Variants in NLGN4X observed in about 807,000 individuals in gnomAD.
NLGN4X encodes neuroligin-4, X-linked.
A neutral mutation model predicts 40.3 loss-of-function variants in NLGN4X; 3 were observed. The ratio of observed to expected loss-of-function variants is 0.07; its 90% CI spans 0.03 to 0.19. The LOEUF is 0.19. Ranked by LOEUF, NLGN4X falls within the 10% of genes least tolerant of loss-of-function variation. The pLI, the probability that NLGN4X is intolerant of heterozygous loss-of-function variation, is 1.00. For synonymous variants in NLGN4X, 270 were observed against 306.8 expected, an observed-to-expected ratio of 0.88 and a Z score of 1.25; for missense variants, 382 against 708.3, an observed-to-expected ratio of 0.54 and a Z score of 5.23.
At chrX:6,145,295 A>G (rs1342550418) in intron 2 of NLGN4X, among the ~76,000 whole-genome samples, 2 of 111,704 alleles carry the variant, frequency 1.8e-5, no homozygotes, top group Non-Finnish European at 3.8e-5. Context: ...AACTAACAAA[A>G]ACTGCAGAGA....
intron 5 of NLGN4X, among the ~76,000 whole-genome samples, chrX:5,896,808 T>C (rs1055705982): frequency 4.4e-5 from 5 of 112,444 alleles, no homozygotes; most frequent in African/African-American, 1.6e-4. Flanking sequence ...TAGTTTATTA[T>C]GCATTCAGTG....
intron 3 of NLGN4X, among the ~76,000 whole-genome samples, chrX:5,987,628 T>A (rs189223643): frequency 8.9e-6 from 1 of 112,572 alleles, no homozygotes; most frequent in East Asian, 2.8e-4. Context: ...TATTGTTTCA[T>A]ATGGCCCTAT....
At chrX:5,917,642 A>G (rs1164361317) in intron 3 of NLGN4X, among the ~76,000 whole-genome samples, 1 of 112,157 alleles carries the variant, frequency 8.9e-6, no homozygotes, top group African/African-American at 3.2e-5. Flanking sequence ...AAGAAACAGC[A>G]TTGCGCTTGG....
chrX:6,184,612 AT>A (rs1056650186), intron 1 of NLGN4X, among the ~76,000 whole-genome samples: 33 of 111,196 alleles, frequency 3.0e-4, no homozygotes, highest in Middle Eastern at 4.7e-3. Context: ...TAAAAAAAAA[AT>A]TCATAAGACA....
Position 6,026,917 on chromosome X carries a change from TA to T in NLGN4X, c.625+2362del, listed in dbSNP as rs200175059. 4.0e-3 allele frequency among the ~76,000 whole-genome samples: 433 copies of T among 107,788 alleles called. 4 individuals carry two copies. The highest frequency in any genetic ancestry group is 0.014 in the African/African-American group (411 of 29,540). The allele number at this position is 107,788 out of a possible 115,157, so 93.6% of individuals were successfully genotyped here. On this transcript the variant is annotated intron_variant, in intron 3 of 5. Coordinates refer to ENST00000381095, the MANE Select transcript of NLGN4X (RefSeq NM_181332.3). Reference sequence around the variant, plus strand: ...TTGATTCACGAAGGGACAAAACTGATAAAAAAAAAATCATAGTGTAGAGTTG... The same window carrying T: ...TTGATTCACGAAGGGACAAAACTGATAAAAAAAAATCATAGTGTAGAGTTG...
At chrX:6,096,979 T>C (rs926540274) in intron 2 of NLGN4X, among the ~76,000 whole-genome samples, 5 of 109,442 alleles carry the variant, frequency 4.6e-5, no homozygotes, top group African/African-American at 1.7e-4. Flanking sequence ...GTGTGTGTTT[T>C]CTATCTTCAT....
In NLGN4X at chrX:5,925,697, C is replaced by G. The variant is rs181819813; in HGVS notation, c.626-16458G>C. On this transcript the variant is annotated intron_variant, in intron 3 of 5. Transcript: ENST00000381095. ...GGGTTATGGTGCCCTTTGTAGGAAA[C>G]AACGCACCCAGGAACTGCTCTGTAC... 2.2e-4 allele frequency among the ~76,000 whole-genome samples: 23 copies of G among 104,484 alleles called. No individual in the cohort carries two copies. In the East Asian group the frequency reaches 4.4e-3, roughly 20 times the overall value. 90.7% of individuals were successfully genotyped at this position (104,484 alleles called of 115,157 possible).
chrX:6,134,620 A>C lies in NLGN4X; in HGVS notation c.472+16375T>G, dbSNP rs769215589. On this transcript the variant is annotated intron_variant, in intron 2 of 5. Transcript: ENST00000381095. ...TCAATAAATATTCACTGAGTGAATA[A>C]ATAAATGAATAAACTACATGTTTGC... Among the ~76,000 whole-genome samples, 5 of 112,760 alleles carry C rather than the reference A, an allele frequency of 4.4e-5. No homozygotes were observed. In the South Asian group the frequency reaches 1.8e-3, roughly 41 times the overall value.
intron 3 of NLGN4X, among the ~76,000 whole-genome samples, chrX:6,021,091 TCCCC>T (rs869310651): frequency 2.1e-4 from 10 of 47,979 alleles, no homozygotes; most frequent in Non-Finnish European, 2.9e-4. Context: ...TCTCTCTCTC[TCCCC>T]CTCTCCCTCT....
At chrX:5,985,715 G>A (rs1198312392) in intron 3 of NLGN4X, among the ~76,000 whole-genome samples, 2 of 111,990 alleles carry the variant, frequency 1.8e-5, no homozygotes, top group African/African-American at 3.2e-5. Flanking sequence ...ATCTGCGGTT[G>A]AAAATCAAAG....
chrX:6,174,614 T>C (rs2040681759), intron 1 of NLGN4X, among the ~76,000 whole-genome samples: 1 of 112,028 alleles, frequency 8.9e-6, no homozygotes, highest in Non-Finnish European at 1.9e-5. Context: ...TATGCAACCA[T>C]GAAAAAGAAC....
chrX:6,108,167 A>G (rs141212820), intron 2 of NLGN4X, among the ~76,000 whole-genome samples: 131 of 112,087 alleles, frequency 1.2e-3, no homozygotes, highest in African/African-American at 4.2e-3. Flanking sequence ...CAACAAAATA[A>G]AGACTCAAAG....
In NLGN4X at chrX:5,903,292, C is replaced by T. The variant is rs201238432; in HGVS notation, c.1386G>A (p.Gln462=). The T allele has an allele frequency of 1.7e-5, 21 of 1,210,120 alleles. No homozygotes were observed. In the East Asian group the frequency reaches 6.2e-4, roughly 36 times the overall value. Residue 462 remains glutamine (Q), a synonymous_variant, in exon 5 of 6, where the codon CAG becomes CAA. Coordinates refer to ENST00000381095, the MANE Select transcript of NLGN4X (RefSeq NM_181332.3). ...PAVATADLHA[Q]YGSPTYFYAF... ...CATAGAAGTAGGTGGGGGAGCCGTA[C>T]TGCGCGTGCAGGTCGGCGGTGGCCA...
At chrX:5,995,843 CCTCA>C (rs2035802996) in intron 3 of NLGN4X, among the ~76,000 whole-genome samples, 2 of 111,910 alleles carry the variant, frequency 1.8e-5, no homozygotes, top group Non-Finnish European at 3.8e-5. Flanking sequence ...CAGTGCCCAT[CCTCA>C]CTCTTTCTTT....
In NLGN4X at chrX:5,969,481, G is replaced by A. The variant is rs367726548; in HGVS notation, c.625+59799C>T. On this transcript the variant is annotated intron_variant, in intron 3 of 5. Transcript: ENST00000381095. Reference sequence around the variant, plus strand: ...AATCAAAACCACAATGAGATACCATGTCACACCAGTTAGAATGGCAATCAT... The same window carrying A: ...AATCAAAACCACAATGAGATACCATATCACACCAGTTAGAATGGCAATCAT... Among the ~76,000 whole-genome samples, 6 of 111,477 alleles carry A rather than the reference G, an allele frequency of 5.4e-5. No individual in the cohort carries two copies. In the East Asian group the frequency reaches 1.7e-3, roughly 32 times the overall value.
At chrX:5,941,845 T>G (rs1182347523) in intron 3 of NLGN4X, among the ~76,000 whole-genome samples, 1 of 112,310 alleles carries the variant, frequency 8.9e-6, no homozygotes, top group Non-Finnish European at 1.9e-5. Context: ...AAATAACAAC[T>G]GCCATACAAG....
At position 5,891,140 on chromosome X, in the gene NLGN4X, TGAGAA is replaced by T. The variant is rs946799482; in HGVS notation, c.*1672_*1676del. 3.9e-5 allele frequency: 9 copies of T among 229,150 alleles called. No individual in the cohort carries two copies. Among genetic ancestry groups the T allele is most frequent in the African/African-American group, 1.5e-4 (5 of 33,343 alleles). 18.9% of individuals were successfully genotyped at this position (229,150 alleles called of 1,213,427 possible). A position where few individuals can be genotyped will look rare whatever the true frequency, so the allele number is the denominator to read the frequency against. On this transcript the variant is annotated 3_prime_UTR_variant, in exon 6 of 6. Transcript: ENST00000381095. ...TAACACTCAAAACTTTCCTGAAAAATGAGAAGAGAAATGAAAAAATGACAAGCTGT... is the reference window on the plus strand; with the variant it reads ...TAACACTCAAAACTTTCCTGAAAAATGAGAAATGAAAAAATGACAAGCTGT...
intron 2 of NLGN4X, among the ~76,000 whole-genome samples, chrX:6,070,537 A>T (rs888193146): frequency 8.9e-6 from 1 of 112,099 alleles, no homozygotes; most frequent in Non-Finnish European, 1.9e-5. Flanking sequence ...CAAGGCCAAA[A>T]GTTTGAGACT....
intron 1 of NLGN4X, among the ~76,000 whole-genome samples, chrX:6,197,427 A>ATTTTTTTTTTTTTTTTTTTTTTTT (rs72412595): frequency 1.3e-5 from 1 of 79,471 alleles, no homozygotes; most frequent in Non-Finnish European, 2.8e-5. Flanking sequence ...ATGCTCAGCT[A>ATTTTTTTTTTTTTTTTTTTTTTTT]TTTTTTTTTT....
Sources: gnomAD v4.1 joint callset for allele counts (sites outside exome capture counted in the v4.1 genomes callset) on GRCh38, gnomAD v4.1.1 for gene constraint, MANE v1.5 for transcripts, NCBI Gene and HGNC (gene_info 2026-07-23, HGNC 2026-07-21) for gene names.